Variants in CACNA1B observed in about 807,000 individuals in gnomAD.
CACNA1B encodes the protein voltage-dependent N-type calcium channel subunit alpha-1B.
Under a neutral mutation model 247.2 loss-of-function variants are expected in CACNA1B, and 70 were observed. The ratio of observed to expected loss-of-function variants is 0.28; its 90% CI spans 0.23 to 0.35. The LOEUF is 0.35. CACNA1B is among the 10% of genes least tolerant of loss of function. The probability of loss-of-function intolerance (pLI) is 1.00; values close to 1 mark genes in which losing one functional copy is unlikely to be tolerated. For synonymous variants in CACNA1B, 1,231 were observed against 1,294.4 expected (o/e 0.95, Z 1.05); for missense variants, 2,367 against 3,197.4 (o/e 0.74, Z 6.26).
intron 3 of CACNA1B, among the ~76,000 whole-genome samples, chr9:137,894,609 C>T (rs1380046062): frequency 2.6e-5 from 4 of 152,050 alleles, no homozygotes; most frequent in Admixed American, 2.0e-4. Context: ...GGGGTTTCAC[C>T]GTGTGAGCCA....
chr9:138,093,474 C>T (rs1423886662), intron 36 of CACNA1B, among the ~76,000 whole-genome samples: 1 of 150,914 alleles, frequency 6.6e-6, no homozygotes. Context: ...GGTGCAGTAG[C>T]TCAGGCCTGT....
chr9:137,905,540 G>A (rs931239156), intron 3 of CACNA1B, among the ~76,000 whole-genome samples: 2 of 152,034 alleles, frequency 1.3e-5, no homozygotes, highest in Admixed American at 6.6e-5. Flanking sequence ...CTTAAGTATT[G>A]TATGTTGAAT....
At chr9:138,085,154 A>G (rs367774847) in intron 36 of CACNA1B, among the ~76,000 whole-genome samples, 1 of 150,910 alleles carries the variant, frequency 6.6e-6, no homozygotes, top group African/African-American at 2.5e-5. Flanking sequence ...TATGAATGAA[A>G]AATTCAACAA....
chr9:138,115,608 G>A lies in CACNA1B; in HGVS notation c.5706G>A (p.Pro1902=), dbSNP rs138511879. Residue 1902 remains proline, a synonymous_variant, in exon 42 of 47, where the codon CCG becomes CCA. Coordinates refer to ENST00000371372, the MANE Select transcript of CACNA1B (RefSeq NM_000718.4). ...PLKATLEQTQ[P]AVLRGARVFL... The stretch of plus-strand genomic sequence containing the variant: ...AGGCCACCCTGGAGCAGACACAGCC[G>A]GCTGTGCTCCGAGGAGCCCGGGTTT... 4.0e-5 allele frequency: 64 copies of A among 1,613,768 alleles called. 1 individual carries two copies. Among genetic ancestry groups the A allele is most frequent in the African/African-American group, 1.2e-4 (9 of 75,046 alleles).
At chr9:138,108,439 A>G (rs1473233609) in intron 39 of CACNA1B, among the ~76,000 whole-genome samples, 1 of 152,110 alleles carries the variant, frequency 6.6e-6, no homozygotes, top group Non-Finnish European at 1.5e-5. Flanking sequence ...GAAGTCTACC[A>G]ACTGTTTAGG....
rs1161596492 is a variant in CACNA1B, at chr9:137,952,222, C to T, written c.967-52C>T. 1.0e-5 allele frequency: 15 copies of T among 1,447,540 alleles called. No homozygotes were observed. Among genetic ancestry groups the T allele is most frequent in the South Asian group, 3.4e-5 (3 of 87,242 alleles). 89.7% of individuals were successfully genotyped at this position (1,447,540 alleles called of 1,614,324 possible). A position where few individuals can be genotyped will look rare whatever the true frequency, so the allele number is the denominator to read the frequency against. On this transcript the variant is annotated intron_variant, in intron 6 of 46. Coordinates refer to ENST00000371372, the MANE Select transcript of CACNA1B (RefSeq NM_000718.4). This position sits in a 1 kb window ranked among gnomAD's most constrained non-coding sequence, Gnocchi z 4.8. ...TGGGGGCTGGGGGTGCTCCTGTGGC[C>T]GGGACTGTGTTTTGTCCCTGTCCTT...
At chr9:138,093,236 A>G (rs557196685) in intron 36 of CACNA1B, among the ~76,000 whole-genome samples, 3 of 152,140 alleles carry the variant, frequency 2.0e-5, no homozygotes, top group Admixed American at 6.6e-5. Context: ...CTTGGCCAAC[A>G]TGGCAAAACC....
rs2133277130 is a variant in CACNA1B, at chr9:137,913,001, G to A, written c.531-179G>A. Among the ~76,000 whole-genome samples, 1 of 148,944 alleles carries A rather than the reference G, an allele frequency of 6.7e-6. No individual in the cohort carries two copies. Among genetic ancestry groups the A allele is most frequent in the South Asian group, 2.1e-4 (1 of 4,742 alleles). ...CTCACCTGGCAAGCCGCTCTGTGCT[G>A]GCCCTGTGGTTGGACAGTGGGGGGA... On this transcript the variant is annotated intron_variant, in intron 3 of 46. Transcript: ENST00000371372. This position sits in a 1 kb window ranked among gnomAD's most constrained non-coding sequence, Gnocchi z 5.2.
At chr9:138,108,891 C>T (rs867495109) in intron 39 of CACNA1B, among the ~76,000 whole-genome samples, 1 of 152,154 alleles carries the variant, frequency 6.6e-6, no homozygotes. Context: ...CCTCGTGATC[C>T]GCCCGTCTCA....
At chr9:138,085,669 G>C (rs893149456) in intron 36 of CACNA1B, among the ~76,000 whole-genome samples, 1 of 151,248 alleles carries the variant, frequency 6.6e-6, no homozygotes, top group Admixed American at 6.6e-5. Flanking sequence ...AGAATCCCCC[G>C]TTAGACTGAA....
At chr9:137,885,055 C>T (rs534439037) in intron 3 of CACNA1B, among the ~76,000 whole-genome samples, 15 of 143,714 alleles carry the variant, frequency 1.0e-4, no homozygotes, top group African/African-American at 3.6e-4. Flanking sequence ...CTCTCTGCCT[C>T]TCCCTCTTTT....
rs571669322 is a variant in CACNA1B, at chr9:137,984,965, C to T, written c.1769+715C>T. Among the ~76,000 whole-genome samples, 82 of 152,352 alleles carry T rather than the reference C, an allele frequency of 5.4e-4. 1 individual carries two copies. The highest frequency in any genetic ancestry group is 1.9e-3 in the African/African-American group (78 of 41,586). ...AGAGAGAGACTCTCCTCACAGCAGTCTCATCGGCAGCAAAGGCTGCACCGC... is the reference window on the plus strand; with the variant it reads ...AGAGAGAGACTCTCCTCACAGCAGTTTCATCGGCAGCAAAGGCTGCACCGC... On this transcript the variant is annotated intron_variant, in intron 13 of 46. Transcript: ENST00000371372.
In CACNA1B at chr9:138,116,468, C is replaced by G. The variant is rs73577505; in HGVS notation, c.5777+789C>G. Reference sequence around the variant, plus strand: ...CTGACTCCCGAGCCGCTGGCAGCCCCCCATTCCCACACTGCTTTCAGCATG... The same window carrying G: ...CTGACTCCCGAGCCGCTGGCAGCCCGCCATTCCCACACTGCTTTCAGCATG... On this transcript the variant is annotated intron_variant, in intron 42 of 46. Coordinates refer to ENST00000371372, the MANE Select transcript of CACNA1B (RefSeq NM_000718.4). Among the ~76,000 whole-genome samples, 976 of 152,286 alleles carry G rather than the reference C, an allele frequency of 6.4e-3. 13 individuals are homozygous for G. The highest frequency in any genetic ancestry group is 0.023 in the African/African-American group (945 of 41,546).
chr9:137,901,640 G>A (rs565134941), intron 3 of CACNA1B, among the ~76,000 whole-genome samples: 1 of 150,232 alleles, frequency 6.7e-6, no homozygotes, highest in Non-Finnish European at 1.5e-5. Flanking sequence ...GGATATATAA[G>A]TTTGTATTCC....
intron 15 of CACNA1B, among the ~76,000 whole-genome samples, chr9:137,991,080 C>T (rs1334711390): frequency 1.3e-5 from 2 of 152,094 alleles, no homozygotes; most frequent in East Asian, 1.9e-4. Context: ...TGGATCCAAA[C>T]CAAGAGGAAA....
At chr9:137,884,983 C>T (rs1956989272) in intron 3 of CACNA1B, among the ~76,000 whole-genome samples, 1 of 117,050 alleles carries the variant, frequency 8.5e-6, no homozygotes, top group African/African-American at 3.2e-5. Flanking sequence ...CCCACTTTGC[C>T]TGTCTAGCCC....
At chr9:138,047,484 C>T in intron 23 of CACNA1B, 26 bp downstream of exon 23, 1 of 1,568,274 alleles carries the variant, frequency 6.4e-7, no homozygotes. Context: ...GCCCTTGTGA[C>T]CCCAGTGTTT....
Position 137,913,064 on chromosome 9 carries a change from A to G in CACNA1B, c.531-116A>G. 1.3e-6 allele frequency: 1 copy of G among 757,386 alleles called. No homozygotes were observed. 46.9% of individuals were successfully genotyped at this position (757,386 alleles called of 1,614,324 possible). ...CCCTGTGGTTGGACAGTGGGGACAC[A>G]GGAATGAAGGTGTCACTGCTCTTGG... On this transcript the variant is annotated intron_variant, in intron 3 of 46. Transcript: ENST00000371372. This position sits in a 1 kb window ranked among gnomAD's most constrained non-coding sequence, Gnocchi z 5.2.
intron 36 of CACNA1B, among the ~76,000 whole-genome samples, chr9:138,085,291 AAGAAAT>A (rs1960658835): frequency 6.6e-6 from 1 of 150,962 alleles, no homozygotes; most frequent in African/African-American, 2.5e-5. Flanking sequence ...CAGAAGAAAA[AAGAAAT>A]CTCTGAACTT....
Sources: gnomAD v4.1 joint callset for allele counts (sites outside exome capture counted in the v4.1 genomes callset) on GRCh38, gnomAD v4.1.1 for gene constraint, Gnocchi (gnomAD v3.1) non-coding constraint, MANE v1.5 for transcripts, NCBI Gene and HGNC (gene_info 2026-07-23, HGNC 2026-07-21) for gene names.